CAPN14: variants seen among roughly 807,000 people sequenced by gnomAD.
CAPN14 encodes the protein calpain-14.
A neutral mutation model predicts 101.3 loss-of-function variants in CAPN14; 94 were observed. The ratio of observed to expected loss-of-function variants is 0.93; its 90% confidence interval spans 0.79 to 1.10. The LOEUF (loss-of-function observed/expected upper bound fraction) is 1.10. CAPN14 is among the 50% of genes least tolerant of loss of function. The probability of loss-of-function intolerance (pLI) is 0.00; values close to 1 mark genes in which losing one functional copy is unlikely to be tolerated. For missense variants in CAPN14, 837 were observed against 828.4 expected (o/e 1.01, Z -0.13); for synonymous variants, 338 against 317.9 (o/e 1.06, Z -0.67).
At chr2:31,195,837 C>A (rs73921582) in intron 8 of CAPN14, among the ~76,000 whole-genome samples, 1 of 151,914 alleles carries the variant, frequency 6.6e-6, no homozygotes, top group Admixed American at 6.6e-5. Flanking sequence ...TAAAGAAATA[C>A]AATAAAATTC....
chr2:31,211,835 A>G (rs1039869078), intron 1 of CAPN14, among the ~76,000 whole-genome samples: 12 of 152,126 alleles, frequency 7.9e-5, no homozygotes, highest in Non-Finnish European at 1.3e-4. Flanking sequence ...TATCATGAGG[A>G]AAAAAATGTG....
At position 31,186,438 on chromosome 2, in the gene CAPN14, C is replaced by CAAGGA. The variant is rs1230670027; in HGVS notation, c.1634_1635insTCCTT (p.Met545IlefsTer3). 5.8e-6 allele frequency: 9 copies of CAAGGA among 1,548,778 alleles called. No individual in the cohort carries two copies. The highest frequency in any genetic ancestry group is 7.0e-6 in the Non-Finnish European group (8 of 1,145,738). On this transcript the variant is annotated frameshift_variant, in exon 16 of 22. Coordinates refer to ENST00000403897, the MANE Select transcript of CAPN14 (RefSeq NM_001145122.2). LOFTEE classifies it high-confidence loss of function. ...CTCTAAAACACTTACTTGACCAGGTCATCTGGTTCAGGAGGTTCTGAAGTT... is the reference window on the plus strand; with the variant it reads ...CTCTAAAACACTTACTTGACCAGGTCAAGGAATCTGGTTCAGGAGGTTCTGAAGTT...
intron 11 of CAPN14, among the ~76,000 whole-genome samples, chr2:31,191,627 TG>T (rs1321780701): frequency 6.6e-6 from 1 of 152,184 alleles, no homozygotes; most frequent in Non-Finnish European, 1.5e-5. Flanking sequence ...AAAGAATGCT[TG>T]GCTTTTGGGG....
intron 16 of CAPN14, among the ~76,000 whole-genome samples, chr2:31,186,004 G>C (rs553559596): frequency 2.0e-5 from 3 of 152,202 alleles, no homozygotes; most frequent in African/African-American, 7.2e-5. Context: ...TCTCCTTCCA[G>C]AGTTTTGTTG....
At chr2:31,233,701 G>A (rs1683263443) in intron 1 of CAPN14, 1 of 152,028 alleles carries the variant, frequency 6.6e-6, no homozygotes, top group South Asian at 2.1e-4. Flanking sequence ...TAAAAGTTTG[G>A]GTAGTGACAG....
At chr2:31,219,173 T>C (rs1440332500), upstream of CAPN14, among the ~76,000 whole-genome samples, 2 of 151,994 alleles carry the variant, frequency 1.3e-5, no homozygotes, top group Non-Finnish European at 2.9e-5. Flanking sequence ...GGGCTTACCA[T>C]AAATTGTGCT....
At chr2:31,216,373 A>T (rs1682645444) in intron 1 of CAPN14, among the ~76,000 whole-genome samples, 1 of 152,120 alleles carries the variant, frequency 6.6e-6, no homozygotes. Flanking sequence ...GGAGTTTGAA[A>T]AGTGGGAGAA....
At chr2:31,190,767 T>C (rs963397205) in intron 12 of CAPN14, among the ~76,000 whole-genome samples, 2 of 152,346 alleles carry the variant, frequency 1.3e-5, no homozygotes, top group East Asian at 3.9e-4. Flanking sequence ...ATAATCCTTT[T>C]ACTTGATTCA....
chr2:31,221,431 C>A (rs929292120), upstream of CAPN14, among the ~76,000 whole-genome samples: 4 of 152,164 alleles, frequency 2.6e-5, no homozygotes, highest in African/African-American at 9.7e-5. Flanking sequence ...CAAATCAATA[C>A]ACTACTAAGG....
At chr2:31,175,050 T>A (rs1680223811) in intron 21 of CAPN14, among the ~76,000 whole-genome samples, 1 of 152,146 alleles carries the variant, frequency 6.6e-6, no homozygotes, top group African/African-American at 2.4e-5. Context: ...TCTACACGTT[T>A]ACATTTATGG....
intron 6 of CAPN14, 83 bp downstream of exon 6, chr2:31,200,368 C>A: frequency 7.7e-7 from 1 of 1,298,638 alleles, no homozygotes; most frequent in Admixed American, 2.4e-5. Context: ...CCTGAGCCCA[C>A]ACCCAGGTGA....
chr2:31,200,025 C>T (rs181029484), intron 6 of CAPN14, among the ~76,000 whole-genome samples: 13 of 152,196 alleles, frequency 8.5e-5, no homozygotes, highest in Non-Finnish European at 1.6e-4. Flanking sequence ...CTTTTTAAAA[C>T]GGAATCTCTC....
At chr2:31,177,948 C>T in intron 18 of CAPN14, 127 bp from the exon 19 acceptor site, 1 of 695,150 alleles carries the variant, frequency 1.4e-6, no homozygotes, top group Non-Finnish European at 2.6e-6. Context: ...CATGCAGGGC[C>T]TGTTGCCAGG....
intron 15 of CAPN14, among the ~76,000 whole-genome samples, chr2:31,186,925 A>C (rs1175204823): frequency 6.6e-6 from 1 of 152,228 alleles, no homozygotes; most frequent in Non-Finnish European, 1.5e-5. Flanking sequence ...ATGAGACTTC[A>C]TTTGATAAAA....
chr2:31,199,402 G>A, intron 7 of CAPN14, 68 bp downstream of exon 7: 1 of 1,320,234 alleles, frequency 7.6e-7, no homozygotes, highest in Non-Finnish European at 1.1e-6. Context: ...AATCCACCAA[G>A]ATAAGCTAGG....
At chr2:31,180,554 G>A (rs1176231517) in intron 17 of CAPN14, among the ~76,000 whole-genome samples, 2 of 152,104 alleles carry the variant, frequency 1.3e-5, no homozygotes, top group Non-Finnish European at 2.9e-5. Flanking sequence ...GGAAAACATA[G>A]GGCCCCAAGG....
chr2:31,175,857 T>C (rs1266035504), intron 21 of CAPN14, among the ~76,000 whole-genome samples: 1 of 152,230 alleles, frequency 6.6e-6, no homozygotes, highest in African/African-American at 2.4e-5. Flanking sequence ...CAGAGTCCAA[T>C]GTCCTTGCAA....
chr2:31,185,100 T>C (rs910833573), intron 16 of CAPN14, among the ~76,000 whole-genome samples: 4 of 152,254 alleles, frequency 2.6e-5, no homozygotes, highest in African/African-American at 9.6e-5. Context: ...ATTATATTAA[T>C]GATTTCTCCC....
chr2:31,177,750 C>T lies in CAPN14; in HGVS notation c.1851G>A (p.Glu617=). ...NWEQLHAAMR[E]AGIMLSDDVC... is the part of the protein sequence containing the mutation. ...TCCAGCTCTTCCTGTGCCTACCTGC[C>T]TCCCTCATGGCAGCGTGCAGCTGCT... is the stretch of plus-strand genomic sequence containing the variant. Residue 617 remains glutamate (E), a synonymous_variant, in exon 19 of 22, where the codon GAG becomes GAA. Transcript: ENST00000403897. The T allele has an allele frequency of 6.4e-7, 1 of 1,551,560 alleles. No homozygotes were observed.
Sources: gnomAD v4.1 joint callset for allele counts (sites outside exome capture counted in the v4.1 genomes callset) on GRCh38, gnomAD v4.1.1 for gene constraint, MANE v1.5 for transcripts, NCBI Gene and HGNC (gene_info 2026-07-23, HGNC 2026-07-21) for gene names.